The following SNTG2 variants were observed in gnomAD, a reference collection of about 807,000 sequenced individuals.
SNTG2 encodes the protein gamma-2-syntrophin.
SNTG2 carries 74 observed loss-of-function variants against 70.9 expected under a neutral mutation model. The observed-to-expected ratio is 1.04, with a 90% confidence interval of 0.86 to 1.27. SNTG2 has a LOEUF of 1.27. Among genes scored for constraint, SNTG2 ranks in the 50% most tolerant of loss-of-function variants. The pLI, the probability that SNTG2 is intolerant of heterozygous loss-of-function variation, is 0.00. For synonymous variants in SNTG2, 278 were observed against 273.8 expected, an observed-to-expected ratio of 1.02 and a Z score of -0.15; for missense variants, 717 against 690.7, an observed-to-expected ratio of 1.04 and a Z score of -0.43.
chr2:1,361,021 C>T (rs948305922), intron 16 of SNTG2, among the ~76,000 whole-genome samples: 1 of 152,186 alleles, frequency 6.6e-6, no homozygotes, highest in Non-Finnish European at 1.5e-5. Flanking sequence ...ATTCCACTAG[C>T]ATCCATCAAC....
chr2:1,323,782 TA>T (rs1681642666), intron 16 of SNTG2, among the ~76,000 whole-genome samples: 2 of 111,780 alleles, frequency 1.8e-5, no homozygotes, highest in African/African-American at 3.5e-5. Flanking sequence ...TGAGACCCCC[TA>T]GTAGGCTGGG....
At chr2:1,101,121 C>T (rs770758562) in intron 4 of SNTG2, among the ~76,000 whole-genome samples, 1 of 152,222 alleles carries the variant, frequency 6.6e-6, no homozygotes, top group Non-Finnish European at 1.5e-5. Context: ...GTGGTAGCCC[C>T]AGTGGGAGGT....
intron 4 of SNTG2, among the ~76,000 whole-genome samples, chr2:1,119,787 A>C (rs988951071): frequency 6.6e-6 from 1 of 152,054 alleles, no homozygotes; most frequent in Admixed American, 6.5e-5. Flanking sequence ...ACAACAAAAA[A>C]AATAAGAGAA....
At chr2:989,337 T>C (rs865912108) in intron 1 of SNTG2, among the ~76,000 whole-genome samples, 5 of 132,080 alleles carry the variant, frequency 3.8e-5, no homozygotes, top group South Asian at 2.6e-4. Context: ...TTTTTCTCCA[T>C]TAATTGTCAC....
chr2:1,120,063 T>C (rs1461773583), intron 4 of SNTG2, among the ~76,000 whole-genome samples: 1 of 152,148 alleles, frequency 6.6e-6, no homozygotes, highest in African/African-American at 2.4e-5. Flanking sequence ...GAAAATGGCA[T>C]TGATCGTTCC....
At chr2:1,006,726 A>C (rs918045747) in intron 1 of SNTG2, among the ~76,000 whole-genome samples, 1 of 152,086 alleles carries the variant, frequency 6.6e-6, no homozygotes, top group Non-Finnish European at 1.5e-5. Context: ...TCTGGAGATG[A>C]TTTAGAGTAT....
At position 1,119,552 on chromosome 2, in the gene SNTG2, GT is replaced by G. The variant is rs754786251; in HGVS notation, c.326-18056del. 2.7e-3 allele frequency among the ~76,000 whole-genome samples: 382 copies of G among 140,432 alleles called. 1 individual carries two copies. The highest frequency in any genetic ancestry group is 8.9e-3 in the East Asian group (43 of 4,826). The allele number at this position is 140,432 out of a possible 152,430, so 92.1% of individuals were successfully genotyped here. On this transcript the variant is annotated intron_variant, in intron 4 of 16. Transcript: ENST00000308624. ...ACTGTGGAGGAGAAGTTAAAGGCTC[GT>G]TTTTTTTTTTTTTGTATAAAAAAAT...
At chr2:1,300,196 G>A (rs1386436625) in intron 14 of SNTG2, among the ~76,000 whole-genome samples, 4 of 152,124 alleles carry the variant, frequency 2.6e-5, no homozygotes, top group African/African-American at 9.7e-5. Flanking sequence ...TTAAATGAGG[G>A]CACTGTTACC....
At chr2:1,347,648 A>G (rs1660365021) in intron 16 of SNTG2, among the ~76,000 whole-genome samples, 1 of 152,232 alleles carries the variant, frequency 6.6e-6, no homozygotes, top group Admixed American at 6.5e-5. Flanking sequence ...GGCCAAGGCC[A>G]TGTGAGTTCA....
intron 8 of SNTG2, among the ~76,000 whole-genome samples, chr2:1,206,337 T>A (rs1420920473): frequency 6.6e-6 from 1 of 152,106 alleles, no homozygotes; most frequent in African/African-American, 2.4e-5. Context: ...CATACTCTTC[T>A]CCTAAGGAGA....
intron 4 of SNTG2, among the ~76,000 whole-genome samples, chr2:1,113,458 A>T (rs978552643): frequency 7.9e-5 from 12 of 152,184 alleles, no homozygotes; most frequent in Admixed American, 5.2e-4. Flanking sequence ...TAACCCATAC[A>T]GTCCTTTGAG....
At chr2:1,304,671 A>T (rs1680598412) in intron 14 of SNTG2, among the ~76,000 whole-genome samples, 1 of 151,522 alleles carries the variant, frequency 6.6e-6, no homozygotes, top group Admixed American at 6.6e-5. Context: ...GGTTGCAGTG[A>T]GCCGAGATCA....
intron 1 of SNTG2, among the ~76,000 whole-genome samples, chr2:1,022,692 A>T (rs938391266): frequency 1.3e-5 from 2 of 152,246 alleles, no homozygotes; most frequent in Admixed American, 1.3e-4. Context: ...GCAAGTGATC[A>T]GGTACATTTT....
chr2:1,203,663 C>CAAAA (rs201271605), intron 8 of SNTG2, among the ~76,000 whole-genome samples: 23 of 113,104 alleles, frequency 2.0e-4, no homozygotes, highest in African/African-American at 7.8e-4. Flanking sequence ...CAAAAACAAA[C>CAAAA]AAAAAAAAAA....
At chr2:1,194,292 G>A (rs746193887) in intron 8 of SNTG2, among the ~76,000 whole-genome samples, 10 of 152,272 alleles carry the variant, frequency 6.6e-5, no homozygotes, top group Non-Finnish European at 1.2e-4. Flanking sequence ...GTCTTTCTCC[G>A]TGTCCTGCTG....
At chr2:1,062,693 T>C (rs929286934) in intron 1 of SNTG2, among the ~76,000 whole-genome samples, 4 of 152,316 alleles carry the variant, frequency 2.6e-5, no homozygotes, top group South Asian at 4.1e-4. Context: ...TTTAAGTTGA[T>C]TTTTGCATGT....
At chr2:1,286,289 A>G (rs1679763997) in intron 14 of SNTG2, among the ~76,000 whole-genome samples, 1 of 152,162 alleles carries the variant, frequency 6.6e-6, no homozygotes, top group African/African-American at 2.4e-5. Flanking sequence ...AATCCTGGCT[A>G]TGAGAAAAAC....
At chr2:1,158,916 C>T (rs1192222001) in intron 6 of SNTG2, among the ~76,000 whole-genome samples, 3 of 152,114 alleles carry the variant, frequency 2.0e-5, no homozygotes, top group African/African-American at 7.2e-5. Context: ...CAGATGTTGA[C>T]AACAGCAAGG....
At chr2:958,827 G>C (rs1418086872) in intron 1 of SNTG2, among the ~76,000 whole-genome samples, 10 of 151,964 alleles carry the variant, frequency 6.6e-5, no homozygotes, top group Admixed American at 6.6e-4. Context: ...TTAATATTTT[G>C]ATGTTAGGAG....
Sources: gnomAD v4.1 joint callset for allele counts (sites outside exome capture counted in the v4.1 genomes callset) on GRCh38, gnomAD v4.1.1 for gene constraint, MANE v1.5 for transcripts, NCBI Gene and HGNC (gene_info 2026-07-23, HGNC 2026-07-21) for gene names.